The following SLFN14 variants were observed in gnomAD, a reference collection of about 807,000 sequenced individuals.
The protein encoded by SLFN14 is schlafen family member 14.
In SLFN14, 47 loss-of-function variants were observed where a neutral mutation model predicts 58.6. The observed-to-expected ratio is 0.80, with a 90% CI of 0.64 to 1.02. The LOEUF is 1.02. SLFN14 is among the 50% of genes least tolerant of loss of function. The pLI, the probability that SLFN14 is intolerant of heterozygous loss-of-function variation, is 0.00. For synonymous variants in SLFN14, 390 were observed against 387.3 expected, an observed-to-expected ratio of 1.01 and a Z score of -0.08; for missense variants, 967 against 1,078.4, an observed-to-expected ratio of 0.90 and a Z score of 1.45.
chr17:35,554,097 T>C (rs534839225), intron 4 of SLFN14, among the ~76,000 whole-genome samples: 5 of 152,124 alleles, frequency 3.3e-5, no homozygotes, highest in African/African-American at 1.2e-4. Flanking sequence ...TGAGAAACCC[T>C]GCTTTAGAAG....
Position 35,553,887 on chromosome 17 carries a change from G to A in SLFN14, c.1190-443C>T, listed in dbSNP as rs145084442. ...CTCCTGACCTCAGTTGAGGTCACCCGCCTTGGCCTCCCAAAGTGCTGGGAT... is the reference window on the plus strand; with the variant it reads ...CTCCTGACCTCAGTTGAGGTCACCCACCTTGGCCTCCCAAAGTGCTGGGAT... On this transcript the variant is annotated intron_variant, in intron 4 of 5. Coordinates refer to ENST00000674182, the MANE Select transcript of SLFN14 (RefSeq NM_001129820.2). Among the ~76,000 whole-genome samples, 564 of 152,274 alleles carry A rather than the reference G, an allele frequency of 3.7e-3. 2 individuals carry two copies. The highest frequency in any genetic ancestry group is 0.013 in the African/African-American group (542 of 41,538).
At chr17:35,551,030 G>A (rs986711225) in intron 5 of SLFN14, among the ~76,000 whole-genome samples, 10 of 151,956 alleles carry the variant, frequency 6.6e-5, no homozygotes, top group Non-Finnish European at 1.3e-4. Flanking sequence ...TAAGGCCATG[G>A]ATTGTGAGAA....
rs1383853532 is a variant in SLFN14, at chr17:35,557,355, G to C, written c.708C>G (p.Ala236=). Residue 236 remains alanine, a synonymous_variant, in exon 3 of 6, where the codon GCC becomes GCG. Transcript: ENST00000674182. The part of the protein sequence containing the change: ...EMLPHYVSAF[A]NTQGGYVLIG... Reference sequence around the variant, plus strand: ...TGAGGACATATCCCCCTTGAGTGTTGGCAAATGCAGAAACATAATGAGGCA... The same window carrying C: ...TGAGGACATATCCCCCTTGAGTGTTCGCAAATGCAGAAACATAATGAGGCA... 1 of 1,551,602 alleles carries C rather than the reference G, an allele frequency of 6.4e-7. No individual in the cohort carries two copies. The highest frequency in any genetic ancestry group is 2.0e-5 in the Admixed American group (1 of 50,996).
chr17:35,553,533 T>A, intron 4 of SLFN14, 89 bp from the exon 5 acceptor site: 1 of 1,019,010 alleles, frequency 9.8e-7, no homozygotes, highest in Non-Finnish European at 1.4e-6. Flanking sequence ...TGATACCTGG[T>A]GCATTTGGGA....
rs925790907 is a variant in SLFN14, at chr17:35,545,400, A to T, written c.*2839T>A. Among the ~76,000 whole-genome samples the T allele has an allele frequency of 2.6e-5, 4 of 152,184 alleles. No individual in the cohort carries two copies. The highest frequency in any genetic ancestry group is 9.7e-5 in the African/African-American group (4 of 41,442). On this transcript the variant is annotated 3_prime_UTR_variant, in exon 6 of 6. Transcript: ENST00000674182. ...TTACTCTCAAGGAGCTCACAGTCTTAATAGGAAGAGAAATGTGCACACATT... is the reference window on the plus strand; with the variant it reads ...TTACTCTCAAGGAGCTCACAGTCTTTATAGGAAGAGAAATGTGCACACATT...
intron 5 of SLFN14, among the ~76,000 whole-genome samples, chr17:35,549,498 GT>G (rs2072565115): frequency 6.6e-6 from 1 of 152,042 alleles, no homozygotes; most frequent in Non-Finnish European, 1.5e-5. Context: ...TAATTTTTAT[GT>G]GCAAAAAAAG....
chr17:35,554,594 G>T lies in SLFN14; in HGVS notation c.1171C>A (p.Gln391Lys). 2.0e-6 allele frequency: 3 copies of T among 1,531,936 alleles called. No homozygotes were observed. The highest frequency in any genetic ancestry group is 2.6e-6 in the Non-Finnish European group (3 of 1,138,758). 94.9% of individuals were successfully genotyped at this position (1,531,936 alleles called of 1,614,324 possible). A position where few individuals can be genotyped will look rare whatever the true frequency, so the allele number is the denominator to read the frequency against. Residue 391 changes from glutamine to lysine, a missense_variant, in exon 4 of 6, where the codon CAA (glutamine) becomes AAA (lysine). Coordinates refer to ENST00000674182, the MANE Select transcript of SLFN14 (RefSeq NM_001129820.2). ...GGAATACCTGGAAACAAATGTCGTT[G>T]CAGAGCCTCCTTAAATTTGTGGACT... ...IKVHKFKEAL[Q>K]RHLFPVTQEE...
At chr17:35,554,498 G>T in intron 4 of SLFN14, 78 bp downstream of exon 4, 2 of 1,298,782 alleles carry the variant, frequency 1.5e-6, no homozygotes, top group South Asian at 2.1e-5. Context: ...AGAAACACCT[G>T]AACTCATTAC....
At chr17:35,556,886 A>C in intron 3 of SLFN14, 117 bp downstream of exon 3, 1 of 961,162 alleles carries the variant, frequency 1.0e-6, no homozygotes, top group Non-Finnish European at 1.5e-6. Flanking sequence ...ATGGGAGAAC[A>C]CTTATAAGAA....
In SLFN14 at chr17:35,549,034, G is replaced by A. The variant is rs1174216374; in HGVS notation, c.1944C>T (p.Phe648=). Reference sequence around the variant, plus strand: ...TAATCTTTAGAAACTCCCCTTGCATGAAAGTTTTCCTGGTCACAGCTTGGC... The same window carrying A: ...TAATCTTTAGAAACTCCCCTTGCATAAAAGTTTTCCTGGTCACAGCTTGGC... ...TTCQAVTRKT[F]MQGEFLKIKH... Residue 648 remains phenylalanine, a synonymous_variant, in exon 6 of 6, where the codon TTC becomes TTT. Coordinates refer to ENST00000674182, the MANE Select transcript of SLFN14 (RefSeq NM_001129820.2). The A allele has an allele frequency of 3.2e-6, 5 of 1,551,660 alleles. No homozygotes were observed. The highest frequency in any genetic ancestry group is 4.4e-6 in the Non-Finnish European group (5 of 1,146,968).
chr17:35,552,064 A>T (rs1458509978), intron 5 of SLFN14, among the ~76,000 whole-genome samples: 2 of 152,218 alleles, frequency 1.3e-5, no homozygotes, highest in African/African-American at 2.4e-5. Flanking sequence ...GGAGCCCCAG[A>T]TGCAATCCAT....
intron 2 of SLFN14, among the ~76,000 whole-genome samples, chr17:35,558,628 A>G (rs16971117): frequency 0.055 from 8,302 of 152,228 alleles, 366 homozygotes; most frequent in East Asian, 0.15. Context: ...TGCCAGAATA[A>G]GTAGGCATGG....
chr17:35,552,639 T>TATATATATACACATATATATACAC lies in SLFN14; in HGVS notation c.1904+67_1904+90dup, dbSNP rs755140131. ...GTATATATATACACATATATATACATATATATATACACATATATATACACA... is the reference window on the plus strand; with the variant it reads ...GTATATATATACACATATATATACATATATATATACACATATATATACACATATATATACACATATATATACACA... On this transcript the variant is annotated intron_variant, in intron 5 of 5. Coordinates refer to ENST00000674182, the MANE Select transcript of SLFN14 (RefSeq NM_001129820.2). The TATATATATACACATATATATACAC allele has an allele frequency of 2.0e-4, 76 of 371,608 alleles. No homozygotes were observed. In the Middle Eastern group the frequency reaches 2.3e-3, roughly 11 times the overall value. The allele number at this position is 371,608 out of a possible 1,614,324, so 23.0% of individuals were successfully genotyped here.
intron 4 of SLFN14, among the ~76,000 whole-genome samples, chr17:35,553,664 G>C (rs902791729): frequency 6.6e-6 from 1 of 151,840 alleles, no homozygotes; most frequent in Non-Finnish European, 1.5e-5. Context: ...TTTGTGAGAC[G>C]GAGTCTCGCT....
At position 35,552,874 on chromosome 17, in the gene SLFN14, C is replaced by T. The variant is rs949995979; in HGVS notation, c.1760G>A (p.Arg587His). The T allele has an allele frequency of 1.9e-5, 29 of 1,551,290 alleles. No individual in the cohort carries two copies. The highest frequency in any genetic ancestry group is 3.6e-5 in the South Asian group (3 of 84,062). ...TGGAAAGCAGTAGATGAATAATTCA[C>T]GTGTCTTCTGAAGACTCTCAGAAAG... ...QLLSESLQKT[R>H]ELFIYCFPGV... is the part of the protein sequence containing the mutation. The change falls in exon 5 of 6, where the codon CGT becomes CAT. Residue 587 changes from arginine to histidine, a missense_variant. Transcript: ENST00000674182.
intron 5 of SLFN14, among the ~76,000 whole-genome samples, chr17:35,549,473 C>T (rs2072564613): frequency 6.6e-6 from 1 of 152,190 alleles, no homozygotes; most frequent in South Asian, 2.1e-4. Flanking sequence ...AAAACAGTTT[C>T]CTCGATGCAT....
intron 1 of SLFN14, among the ~76,000 whole-genome samples, chr17:35,560,494 A>G (rs1422760945): frequency 6.6e-6 from 1 of 151,904 alleles, no homozygotes; most frequent in East Asian, 1.9e-4. Flanking sequence ...CTCTCGATAC[A>G]TTTTTGTATT....
chr17:35,558,092 AAAAG>A lies in SLFN14; in HGVS notation c.-34_-31del. On this transcript the variant is annotated 5_prime_UTR_variant, in exon 3 of 6. It introduces an in-frame stop codon into an upstream open reading frame of the 5' UTR. Coordinates refer to ENST00000674182, the MANE Select transcript of SLFN14 (RefSeq NM_001129820.2). ...GCAGCCCCTCTGTGCTCCAAACAATAAAAGAAAGGAGTTCCTATAATCAGGACAG... is the reference window on the plus strand; with the variant it reads ...GCAGCCCCTCTGTGCTCCAAACAATAAAAGGAGTTCCTATAATCAGGACAG... 1 of 1,515,684 alleles carries A rather than the reference AAAAG, an allele frequency of 6.6e-7. No homozygotes were observed. The highest frequency in any genetic ancestry group is 8.9e-7 in the Non-Finnish European group (1 of 1,125,662). The allele number at this position is 1,515,684 out of a possible 1,614,324, so 93.9% of individuals were successfully genotyped here.
At chr17:35,552,673 C>A in intron 5 of SLFN14, 57 bp downstream of exon 5, 1 of 831,836 alleles carries the variant, frequency 1.2e-6, no homozygotes, top group Non-Finnish European at 1.7e-6. Flanking sequence ...CATATATATA[C>A]ACATATATAT....
Sources: allele counts gnomAD v4.1 joint callset (sites outside exome capture counted in the v4.1 genomes callset), GRCh38; gene constraint gnomAD v4.1.1; transcripts MANE v1.5; gene names NCBI Gene and HGNC (gene_info 2026-07-23, HGNC 2026-07-21).